Variants in PPP1R9A observed in about 807,000 individuals in gnomAD.
PPP1R9A encodes neurabin-1.
PPP1R9A carries 59 observed loss-of-function variants against 141.9 expected under a neutral mutation model. The ratio of observed to expected loss-of-function variants is 0.42; its 90% CI spans 0.34 to 0.52. The LOEUF is 0.52. Among genes scored for constraint, PPP1R9A ranks in the 20% least tolerant of loss-of-function variants. The probability of loss-of-function intolerance (pLI) is 0.10; values close to 1 mark genes in which losing one functional copy is unlikely to be tolerated. For missense variants in PPP1R9A, 1,444 were observed against 1,611.9 expected (o/e 0.90, Z 1.78); for synonymous variants, 500 against 569.7 (o/e 0.88, Z 1.74).
At chr7:94,958,540 T>A (rs2151099426) in intron 2 of PPP1R9A, among the ~76,000 whole-genome samples, 2 of 152,122 alleles carry the variant, frequency 1.3e-5, no homozygotes, top group South Asian at 4.1e-4. Context: ...CTTACTTTTA[T>A]TTGTTAGAGT....
chr7:95,274,050 A>G (rs1802699779), intron 15 of PPP1R9A, 35 bp from the exon 16 acceptor site: 8 of 1,506,634 alleles, frequency 5.3e-6, no homozygotes, highest in African/African-American at 1.4e-5. Flanking sequence ...AGAAAATTTC[A>G]GCTTCCCCTT....
intron 2 of PPP1R9A, among the ~76,000 whole-genome samples, chr7:94,972,073 T>G (rs1263867460): frequency 1.3e-5 from 2 of 152,256 alleles, no homozygotes; most frequent in East Asian, 1.9e-4. Flanking sequence ...ATTTCTGTTA[T>G]GGCCATGATG....
At chr7:95,000,615 T>C (rs1262903198) in intron 2 of PPP1R9A, among the ~76,000 whole-genome samples, 1 of 152,194 alleles carries the variant, frequency 6.6e-6, no homozygotes, top group Admixed American at 6.6e-5. Flanking sequence ...GACTGATTTA[T>C]CTTATATTGA....
At chr7:95,202,407 A>T (rs570261512) in intron 6 of PPP1R9A, among the ~76,000 whole-genome samples, 64 of 152,198 alleles carry the variant, frequency 4.2e-4, no homozygotes, top group African/African-American at 1.5e-3. Context: ...AAAAAGGAGG[A>T]TCCTATTTAA....
At chr7:95,088,323 C>T (rs879367549) in intron 2 of PPP1R9A, among the ~76,000 whole-genome samples, 3 of 151,866 alleles carry the variant, frequency 2.0e-5, no homozygotes, top group Admixed American at 2.0e-4. Context: ...ACCTCAACCT[C>T]TGATTTAAAA....
chr7:95,213,742 A>G (rs1429158328), intron 7 of PPP1R9A, among the ~76,000 whole-genome samples: 2 of 151,994 alleles, frequency 1.3e-5, no homozygotes, highest in African/African-American at 4.8e-5. Context: ...GAAAACCATC[A>G]AGTTTCTGTT....
intron 2 of PPP1R9A, among the ~76,000 whole-genome samples, chr7:94,916,436 A>G (rs1792090451): frequency 6.6e-6 from 1 of 152,220 alleles, no homozygotes; most frequent in Non-Finnish European, 1.5e-5. Context: ...TGGCCATAGC[A>G]TGTTAGGGAA....
At chr7:94,952,511 C>T (rs1429212030) in intron 2 of PPP1R9A, among the ~76,000 whole-genome samples, 10 of 152,100 alleles carry the variant, frequency 6.6e-5, no homozygotes, top group African/African-American at 2.2e-4. Context: ...TCTAGTTCTA[C>T]ATCCTTGAGG....
At chr7:95,229,735 T>C (rs1795653697) in intron 8 of PPP1R9A, among the ~76,000 whole-genome samples, 2 of 152,114 alleles carry the variant, frequency 1.3e-5, no homozygotes. Context: ...TCTGTGGCCC[T>C]GCTGACTGCC....
chr7:95,218,387 A>C (rs1214385806), intron 7 of PPP1R9A, among the ~76,000 whole-genome samples: 1 of 152,186 alleles, frequency 6.6e-6, no homozygotes, highest in Non-Finnish European at 1.5e-5. Flanking sequence ...TTTACTTCCA[A>C]CTATGTGGTC....
At chr7:94,919,713 A>G (rs1562991859) in intron 2 of PPP1R9A, among the ~76,000 whole-genome samples, 1 of 152,178 alleles carries the variant, frequency 6.6e-6, no homozygotes, top group African/African-American at 2.4e-5. Flanking sequence ...TACTGTAACC[A>G]TCTATAAGAT....
intron 2 of PPP1R9A, among the ~76,000 whole-genome samples, chr7:94,994,064 T>C (rs1258213994): frequency 6.6e-6 from 1 of 152,122 alleles, no homozygotes; most frequent in Non-Finnish European, 1.5e-5. Flanking sequence ...AACCGAAGTT[T>C]TATCTGACAC....
chr7:94,918,930 A>G (rs554215474), intron 2 of PPP1R9A, among the ~76,000 whole-genome samples: 1 of 152,316 alleles, frequency 6.6e-6, no homozygotes, highest in African/African-American at 2.4e-5. Context: ...CTGCCATTTT[A>G]TGTGTTTCAT....
intron 5 of PPP1R9A, among the ~76,000 whole-genome samples, chr7:95,165,371 C>T (rs1831086136): frequency 6.6e-6 from 1 of 152,176 alleles, no homozygotes; most frequent in Non-Finnish European, 1.5e-5. Flanking sequence ...TTCAAATACC[C>T]TTTTGAAGAT....
intron 2 of PPP1R9A, among the ~76,000 whole-genome samples, chr7:95,069,508 C>G (rs1351167013): frequency 2.0e-5 from 3 of 151,918 alleles, no homozygotes; most frequent in Non-Finnish European, 1.5e-5. Flanking sequence ...AAAATCAGGA[C>G]ACTGTTGAGA....
intron 5 of PPP1R9A, among the ~76,000 whole-genome samples, chr7:95,175,695 A>AGT: frequency 6.6e-6 from 1 of 152,094 alleles, no homozygotes; most frequent in Non-Finnish European, 1.5e-5. Flanking sequence ...TTTGCTCTTC[A>AGT]GTGTCATTCA....
At chr7:95,076,314 C>G (rs375637615) in intron 2 of PPP1R9A, among the ~76,000 whole-genome samples, 49 of 152,300 alleles carry the variant, frequency 3.2e-4, no homozygotes, top group African/African-American at 8.9e-4. Flanking sequence ...TGATTCCCTT[C>G]ACAGACTCAC....
chr7:95,293,749 G>A lies in PPP1R9A; in HGVS notation c.*3446G>A, dbSNP rs540809444. 5 of 152,336 alleles carry A rather than the reference G, an allele frequency of 3.3e-5. No homozygotes were observed. Among genetic ancestry groups the A allele is most frequent in the African/African-American group, 1.2e-4 (5 of 41,576 alleles). 9.4% of individuals were successfully genotyped at this position (152,336 alleles called of 1,614,324 possible). A position where few individuals can be genotyped will look rare whatever the true frequency, so the allele number is the denominator to read the frequency against. On this transcript the variant is annotated 3_prime_UTR_variant, in exon 20 of 20. Transcript: ENST00000433360. ...CTCGGCCGTTAGAGTTTGTGCTGAA[G>A]ACAAATTTGTCTGGGTTCATTGTGC... is the stretch of plus-strand genomic sequence containing the variant.
intron 3 of PPP1R9A, among the ~76,000 whole-genome samples, chr7:95,113,643 G>A (rs1252629089): frequency 6.6e-6 from 1 of 152,182 alleles, no homozygotes; most frequent in East Asian, 1.9e-4. Context: ...ATGCCACTGA[G>A]GGTAAAAAGG....
Sources: gnomAD v4.1 joint callset for allele counts (sites outside exome capture counted in the v4.1 genomes callset) on GRCh38, gnomAD v4.1.1 for gene constraint, MANE v1.5 for transcripts, NCBI Gene and HGNC (gene_info 2026-07-23, HGNC 2026-07-21) for gene names.